HNRNPR: variants seen among roughly 807,000 people sequenced by gnomAD.
The protein encoded by HNRNPR is heterogeneous nuclear ribonucleoprotein R.
HNRNPR carries 4 observed loss-of-function variants against 70.3 expected under a neutral mutation model. That is an observed-to-expected ratio of 0.06 (90% CI 0.03 to 0.13). The LOEUF (loss-of-function observed/expected upper bound fraction) is 0.13, where lower values mean the gene tolerates loss of function less well. Among genes scored for constraint, HNRNPR ranks in the 10% least tolerant of loss-of-function variants. HNRNPR has a pLI of 1.00. For missense variants in HNRNPR, 423 were observed against 788.5 expected, an observed-to-expected ratio of 0.54 and a Z score of 5.55; for synonymous variants, 241 against 267.6, an observed-to-expected ratio of 0.90 and a Z score of 0.97.
Position 23,307,907 on chromosome 1 carries a change from C to G in HNRNPR, c.*2547G>C, listed in dbSNP as rs1645227155. 6.9e-6 allele frequency: 1 copy of G among 145,440 alleles called. No individual in the cohort carries two copies. Among genetic ancestry groups the G allele is most frequent in the Admixed American group, 6.8e-5 (1 of 14,792 alleles). 9.0% of individuals were successfully genotyped at this position (145,440 alleles called of 1,614,324 possible). A position where few individuals can be genotyped will look rare whatever the true frequency, so the allele number is the denominator to read the frequency against. On this transcript the variant is annotated 3_prime_UTR_variant, in exon 11 of 11. Coordinates refer to ENST00000302271, the MANE Select transcript of HNRNPR (RefSeq NM_005826.5). ...AATTCCTTACACTCATAATTTGTAC[C>G]TAATTTAAAAAAAAAAAAATGCCAA...
chr1:23,337,640 G>C, intron 4 of HNRNPR, 114 bp downstream of exon 4: 1 of 670,124 alleles, frequency 1.5e-6, no homozygotes, highest in Non-Finnish European at 2.5e-6. Context: ...GGGCGACAGA[G>C]CAAGACTCCG....
intron 10 of HNRNPR, 56 bp from the exon 11 acceptor site, chr1:23,311,122 T>C (rs1645319669): frequency 6.2e-7 from 1 of 1,608,022 alleles, no homozygotes; most frequent in East Asian, 2.2e-5. Context: ...TTCAAGACTC[T>C]GATTTTGTTT....
chr1:23,341,316 G>A (rs1026025413), intron 1 of HNRNPR, among the ~76,000 whole-genome samples: 15 of 152,186 alleles, frequency 9.9e-5, no homozygotes, highest in African/African-American at 3.4e-4. Flanking sequence ...GTTCTGTCCT[G>A]GTGAAAAGAT....
chr1:23,343,978 C>CGGACCGCGGGCT (rs903405944), intron 1 of HNRNPR, among the ~76,000 whole-genome samples: 2 of 152,096 alleles, frequency 1.3e-5, no homozygotes, highest in African/African-American at 4.8e-5. Flanking sequence ...CCCAGCGGGC[C>CGGACCGCGGGCT]GGACCGCGGG....
chr1:23,342,591 C>T (rs1479778807), intron 1 of HNRNPR, among the ~76,000 whole-genome samples: 1 of 152,146 alleles, frequency 6.6e-6, no homozygotes, highest in East Asian at 1.9e-4. Flanking sequence ...ATTAACACGA[C>T]CTATTTCTAT....
chr1:23,320,269 A>T (rs1244062323), intron 7 of HNRNPR, among the ~76,000 whole-genome samples: 3 of 152,220 alleles, frequency 2.0e-5, no homozygotes, highest in African/African-American at 7.2e-5. Context: ...AGTTGACAAC[A>T]CAATACTTGA....
Position 23,324,862 on chromosome 1 carries a change from C to T in HNRNPR, c.499-1130G>A, listed in dbSNP as rs556001922. Among the ~76,000 whole-genome samples, 55 of 152,184 alleles carry T rather than the reference C, an allele frequency of 3.6e-4. No individual in the cohort carries two copies. In the Middle Eastern group the frequency reaches 0.01, roughly 28 times the overall value. ...AACATTAAAAATGTTTTATGTTGGC[C>T]GGGCGCGGTGGCTCACGCCTGTAAT... On this transcript the variant is annotated intron_variant, in intron 5 of 10. Coordinates refer to ENST00000302271, the MANE Select transcript of HNRNPR (RefSeq NM_005826.5).
chr1:23,341,951 A>C (rs1025885032), intron 1 of HNRNPR, among the ~76,000 whole-genome samples: 21 of 152,314 alleles, frequency 1.4e-4, no homozygotes, highest in African/African-American at 5.1e-4. Context: ...TAAACCATAC[A>C]AGGCCAGTCT....
intron 2 of HNRNPR, 53 bp from the exon 3 acceptor site, chr1:23,338,661 A>C: frequency 1.2e-6 from 1 of 833,392 alleles, no homozygotes. Flanking sequence ...GGGTAATCTA[A>C]GCTCTACTGA....
intron 8 of HNRNPR, among the ~76,000 whole-genome samples, chr1:23,314,825 T>A (rs951513724): frequency 6.6e-6 from 1 of 152,210 alleles, no homozygotes; most frequent in Admixed American, 6.5e-5. Flanking sequence ...GGCCCACAAT[T>A]CTACCCCTAA....
chr1:23,325,095 G>C (rs532725060), intron 5 of HNRNPR, among the ~76,000 whole-genome samples: 1 of 151,778 alleles, frequency 6.6e-6, no homozygotes, highest in African/African-American at 2.4e-5. Flanking sequence ...AGCCGAGATC[G>C]CGCCACTACA....
At chr1:23,315,521 C>G (rs1645507765) in intron 8 of HNRNPR, among the ~76,000 whole-genome samples, 1 of 152,040 alleles carries the variant, frequency 6.6e-6, no homozygotes, top group Non-Finnish European at 1.5e-5. Flanking sequence ...ACCAACATTA[C>G]TACCACTCAT....
At chr1:23,313,489 TTG>T in intron 9 of HNRNPR, 62 bp downstream of exon 9, 1 of 1,069,422 alleles carries the variant, frequency 9.4e-7, no homozygotes, top group Non-Finnish European at 1.4e-6. Context: ...TAAAGTTACT[TTG>T]TGTTTGGCAA....
intron 5 of HNRNPR, among the ~76,000 whole-genome samples, chr1:23,325,465 A>G (rs1645934287): frequency 6.6e-6 from 1 of 152,160 alleles, no homozygotes; most frequent in African/African-American, 2.4e-5. Flanking sequence ...ACTCCTTGGC[A>G]TGATTCTCAC....
intron 1 of HNRNPR, among the ~76,000 whole-genome samples, chr1:23,341,823 C>T (rs1646713092): frequency 6.6e-6 from 1 of 152,062 alleles, no homozygotes; most frequent in African/African-American, 2.4e-5. Context: ...AAACCGTTAC[C>T]TAATTAGGCT....
At chr1:23,321,851 G>A (rs1645772614) in intron 6 of HNRNPR, among the ~76,000 whole-genome samples, 188 bp from the exon 7 acceptor site, 1 of 151,926 alleles carries the variant, frequency 6.6e-6, no homozygotes, top group Admixed American at 6.6e-5. Context: ...GTTTTAGTTT[G>A]GTTTTGTTAA....
intron 8 of HNRNPR, among the ~76,000 whole-genome samples, chr1:23,316,447 T>TAAAAAA: frequency 6.6e-6 from 1 of 152,132 alleles, no homozygotes; most frequent in Admixed American, 6.5e-5. Context: ...TTTCTAACCC[T>TAAAAAA]AAAAAAAGAT....
intron 5 of HNRNPR, among the ~76,000 whole-genome samples, chr1:23,326,001 G>A (rs1645958307): frequency 6.6e-6 from 1 of 152,066 alleles, no homozygotes; most frequent in Non-Finnish European, 1.5e-5. Flanking sequence ...GCTGGGACCA[G>A]AGGCTCTTGC....
In HNRNPR at chr1:23,337,875, G is replaced by C; in HGVS notation, c.277-14C>G. 1 of 1,474,062 alleles carries C rather than the reference G, an allele frequency of 6.8e-7. No homozygotes were observed. The highest frequency in any genetic ancestry group is 9.4e-7 in the Non-Finnish European group (1 of 1,069,462). 91.3% of individuals were successfully genotyped at this position (1,474,062 alleles called of 1,614,324 possible). ...TGCACTTTTGTTCTAGAACAGACAA[G>C]TAATTCAATAAAAAGAATCACCAAA... On this transcript the variant is annotated splice_polypyrimidine_tract_variant and intron_variant, in intron 3 of 10. Coordinates refer to ENST00000302271, the MANE Select transcript of HNRNPR (RefSeq NM_005826.5).
Sources: allele counts gnomAD v4.1 joint callset (sites outside exome capture counted in the v4.1 genomes callset), GRCh38; gene constraint gnomAD v4.1.1; transcripts MANE v1.5; gene names NCBI Gene and HGNC (gene_info 2026-07-23, HGNC 2026-07-21).